The following KLRD1 variants were observed in gnomAD, a reference collection of about 807,000 sequenced individuals.
KLRD1 encodes natural killer cells antigen CD94.
Under a neutral mutation model 22.6 loss-of-function variants are expected in KLRD1, and 21 were observed. The ratio of observed to expected loss-of-function variants is 0.93; its 90% CI spans 0.66 to 1.34. The LOEUF is 1.34. Among genes scored for constraint, KLRD1 ranks in the 40% most tolerant of loss-of-function variants. The pLI is 0.00. For synonymous variants in KLRD1, 59 were observed against 71.1 expected, an observed-to-expected ratio of 0.83 and a Z score of 0.85; for missense variants, 183 against 208.6, an observed-to-expected ratio of 0.88 and a Z score of 0.76.
intron 1 of KLRD1, among the ~76,000 whole-genome samples, chr12:10,253,388 G>A (rs1432095514): frequency 4.1e-5 from 6 of 145,186 alleles, no homozygotes; most frequent in South Asian, 2.4e-4. Flanking sequence ...CTTCGGATTC[G>A]GGCATCTTTT....
intron 1 of KLRD1, among the ~76,000 whole-genome samples, chr12:10,286,053 T>C (rs1368421805): frequency 6.6e-6 from 1 of 152,194 alleles, no homozygotes; most frequent in Non-Finnish European, 1.5e-5. Context: ...CTCTACCCAT[T>C]ACCCATCCAC....
Position 10,325,402 on chromosome 12 carries a change from C to G in KLRD1, c.*10609C>G, listed in dbSNP as rs2137754870. ...TACAACATAAGATCTATCCTCTTAA[C>G]AAATTTTCAAGTCTACAGTACAGTA... is the stretch of plus-strand genomic sequence containing the variant. On this transcript the variant is annotated 3_prime_UTR_variant, in exon 6 of 6. Transcript: ENST00000336164. 1 of 152,188 alleles carries G rather than the reference C, an allele frequency of 6.6e-6. No homozygotes were observed. The highest frequency in any genetic ancestry group is 2.1e-4 in the South Asian group (1 of 4,818). 9.4% of individuals were successfully genotyped at this position (152,188 alleles called of 1,614,324 possible).
intron 5 of KLRD1, among the ~76,000 whole-genome samples, chr12:10,314,323 C>G (rs923734738): frequency 6.6e-6 from 1 of 152,098 alleles, no homozygotes. Context: ...TTTGCAGCAT[C>G]ACACAGGGAC....
Position 10,325,244 on chromosome 12 carries a change from T to A in KLRD1, c.*10451T>A, listed in dbSNP as rs1203724859. On this transcript the variant is annotated 3_prime_UTR_variant, in exon 6 of 6. Coordinates refer to ENST00000336164, the MANE Select transcript of KLRD1 (RefSeq NM_002262.5). ...ATATGACATATGCTTTTATTAAATG[T>A]TTTATTCTGCCTCGATTGAAATCAG... 6 of 152,158 alleles carry A rather than the reference T, an allele frequency of 3.9e-5. 1 individual carries two copies. In the South Asian group the frequency reaches 1.2e-3, roughly 31 times the overall value. The allele number at this position is 152,158 out of a possible 1,614,324, so 9.4% of individuals were successfully genotyped here.
At chr12:10,242,273 T>C (rs1949248964) in intron 1 of KLRD1, among the ~76,000 whole-genome samples, 1 of 152,124 alleles carries the variant, frequency 6.6e-6, no homozygotes, top group Non-Finnish European at 1.5e-5. Flanking sequence ...ATTTTACTAA[T>C]GTGGGATACA....
At chr12:10,241,125 C>T (rs1949237591) in intron 1 of KLRD1, among the ~76,000 whole-genome samples, 1 of 152,102 alleles carries the variant, frequency 6.6e-6, no homozygotes. Flanking sequence ...GTAATGTCAG[C>T]AGCAACTGAT....
At position 10,313,531 on chromosome 12, in the gene KLRD1, A is replaced by G; in HGVS notation, c.419+18A>G. On this transcript the variant is annotated intron_variant, in intron 5 of 5. Coordinates refer to ENST00000336164, the MANE Select transcript of KLRD1 (RefSeq NM_002262.5). ...CAGTATCTGTAAGTTTCTGGCAATC[A>G]TGGCGTTTTTTGCTCTTTATGAATT... 1.4e-6 allele frequency: 2 copies of G among 1,462,920 alleles called. No homozygotes were observed. Among genetic ancestry groups the G allele is most frequent in the Non-Finnish European group, 1.9e-6 (2 of 1,072,612 alleles). The allele number at this position is 1,462,920 out of a possible 1,614,324, so 90.6% of individuals were successfully genotyped here.
At position 10,317,730 on chromosome 12, in the gene KLRD1, A is replaced by C. The variant is rs932530127; in HGVS notation, c.*2937A>C. 6.6e-6 allele frequency: 1 copy of C among 152,212 alleles called. No homozygotes were observed. Among genetic ancestry groups the C allele is most frequent in the African/African-American group, 2.4e-5 (1 of 41,458 alleles). 9.4% of individuals were successfully genotyped at this position (152,212 alleles called of 1,614,324 possible). On this transcript the variant is annotated 3_prime_UTR_variant, in exon 6 of 6. Coordinates refer to ENST00000336164, the MANE Select transcript of KLRD1 (RefSeq NM_002262.5). ...TGCTCACCCACAACATTAGTGTATTAGTCCGTTCTTATGCTGCTACTAAAG... is the reference window on the plus strand; with the variant it reads ...TGCTCACCCACAACATTAGTGTATTCGTCCGTTCTTATGCTGCTACTAAAG...
rs1215700108 is a variant in KLRD1, at chr12:10,317,409, T to C, written c.*2616T>C. 1 of 152,210 alleles carries C rather than the reference T, an allele frequency of 6.6e-6. No homozygotes were observed. Among genetic ancestry groups the C allele is most frequent in the Non-Finnish European group, 1.5e-5 (1 of 68,032 alleles). 9.4% of individuals were successfully genotyped at this position (152,210 alleles called of 1,614,324 possible). ...TAAGCTATGAGTCTGCCTTTCTTCA[T>C]GGTCCAGGATATGGGCCATGTGCTA... On this transcript the variant is annotated 3_prime_UTR_variant, in exon 6 of 6. Coordinates refer to ENST00000336164, the MANE Select transcript of KLRD1 (RefSeq NM_002262.5).
chr12:10,261,310 G>A (rs1213981315), intron 1 of KLRD1, among the ~76,000 whole-genome samples: 7 of 152,054 alleles, frequency 4.6e-5, no homozygotes, highest in Admixed American at 1.3e-4. Context: ...TTTATTAAAG[G>A]CAATAACAGA....
At chr12:10,275,383 C>T (rs959632538) in intron 1 of KLRD1, among the ~76,000 whole-genome samples, 9 of 152,110 alleles carry the variant, frequency 5.9e-5, no homozygotes, top group Non-Finnish European at 1.0e-4. Flanking sequence ...GTATTTTCTC[C>T]TGCTAGGTGA....
chr12:10,281,519 C>T (rs1252715933), intron 1 of KLRD1, among the ~76,000 whole-genome samples: 1 of 152,102 alleles, frequency 6.6e-6, no homozygotes, highest in Non-Finnish European at 1.5e-5. Flanking sequence ...ACACAACACA[C>T]AAGTGCAGGT....
At chr12:10,246,271 C>T (rs1442898021) in intron 1 of KLRD1, among the ~76,000 whole-genome samples, 1 of 151,720 alleles carries the variant, frequency 6.6e-6, no homozygotes, top group Non-Finnish European at 1.5e-5. Context: ...TTTTTTCATC[C>T]CATATACACA....
chr12:10,309,665 G>A lies in KLRD1; in HGVS notation c.140G>A (p.Gly47Glu), dbSNP rs747064505. The A allele has an allele frequency of 1.2e-6, 2 of 1,612,882 alleles. No homozygotes were observed. The highest frequency in any genetic ancestry group is 2.7e-5 in the African/African-American group (2 of 74,808). ...AGTATTGAGCCAGCATTTACTCCAG[G>A]ACCCAACATAGAACTCCAGAAAGGT... ...KLSIEPAFTP[G>E]PNIELQKDSD... The change falls in exon 3 of 6, where the codon GGA (glycine) becomes GAA (glutamate). Residue 47 changes from glycine (G) to glutamate (E), a missense_variant. Coordinates refer to ENST00000336164, the MANE Select transcript of KLRD1 (RefSeq NM_002262.5).
chr12:10,324,818 G>GTGTATATA lies in KLRD1; in HGVS notation c.*10026_*10027insGTATATAT, dbSNP rs750696767. 0.04 allele frequency: 2,966 copies of GTGTATATA among 74,164 alleles called. 185 individuals are homozygous for GTGTATATA. The highest frequency in any genetic ancestry group is 0.12 in the African/African-American group (2,822 of 23,604). 4.6% of individuals were successfully genotyped at this position (74,164 alleles called of 1,614,324 possible). ...AGTATATATGTATATGTGTGTGTGT[G>GTGTATATA]TATATATATATATATATATATATAT... is the stretch of plus-strand genomic sequence containing the variant. On this transcript the variant is annotated 3_prime_UTR_variant, in exon 6 of 6. Coordinates refer to ENST00000336164, the MANE Select transcript of KLRD1 (RefSeq NM_002262.5).
chr12:10,264,696 G>GTGTGTGTC (rs1304164942), intron 1 of KLRD1, among the ~76,000 whole-genome samples: 1 of 151,872 alleles, frequency 6.6e-6, no homozygotes, highest in Non-Finnish European at 1.5e-5. Flanking sequence ...GTGTGTGTGT[G>GTGTGTGTC]TGTGTGTAGT....
intron 4 of KLRD1, among the ~76,000 whole-genome samples, chr12:10,312,051 CTTTTT>C (rs71049085): frequency 1.6e-5 from 2 of 123,194 alleles, no homozygotes; most frequent in African/African-American, 3.0e-5. Flanking sequence ...CTTTTCTTTT[CTTTTT>C]TTTTTTTTTT....
chr12:10,298,972 T>A (rs1565463870), intron 1 of KLRD1, among the ~76,000 whole-genome samples: 1 of 152,244 alleles, frequency 6.6e-6, no homozygotes, highest in Admixed American at 6.5e-5. Flanking sequence ...TCTCCACGAC[T>A]GAGCTGGTCT....
chr12:10,278,520 G>T (rs1244380722), intron 1 of KLRD1, among the ~76,000 whole-genome samples: 1 of 151,896 alleles, frequency 6.6e-6, no homozygotes, highest in Non-Finnish European at 1.5e-5. Context: ...TCTCTTCTTG[G>T]TCCACATATT....
Sources: gnomAD v4.1 joint callset for allele counts (sites outside exome capture counted in the v4.1 genomes callset) on GRCh38, gnomAD v4.1.1 for gene constraint, MANE v1.5 for transcripts, NCBI Gene and HGNC (gene_info 2026-07-23, HGNC 2026-07-21) for gene names.